The following HECTD2 variants were observed in gnomAD, a reference collection of about 807,000 sequenced individuals.
HECTD2 encodes HECT domain E3 ubiquitin protein ligase 2.
A neutral mutation model predicts 103.2 loss-of-function variants in HECTD2; 35 were observed. The observed-to-expected ratio is 0.34, with a 90% CI of 0.26 to 0.45. The LOEUF (loss-of-function observed/expected upper bound fraction) is 0.45. Among genes scored for constraint, HECTD2 ranks in the 20% least tolerant of loss-of-function variants. The pLI, the probability that HECTD2 is intolerant of heterozygous loss-of-function variation, is 1.00. For synonymous variants in HECTD2, 281 were observed against 329.9 expected (o/e 0.85, Z 1.61); for missense variants, 596 against 937.4 (o/e 0.64, Z 4.76).
chr10:91,503,765 G>A (rs1363523368), intron 20 of HECTD2, among the ~76,000 whole-genome samples: 1 of 152,198 alleles, frequency 6.6e-6, no homozygotes, highest in Non-Finnish European at 1.5e-5. Context: ...CGAACTGGGT[G>A]GAACCCACCA....
chr10:91,478,096 CAA>C (rs893888129), intron 5 of HECTD2, 103 bp from the exon 6 acceptor site: 18 of 742,764 alleles, frequency 2.4e-5, no homozygotes, highest in East Asian at 7.9e-5. Context: ...CCTGAGTCAT[CAA>C]GTCTGATTTT....
chr10:91,466,433 C>A (rs1359208397), intron 5 of HECTD2, among the ~76,000 whole-genome samples: 1 of 152,006 alleles, frequency 6.6e-6, no homozygotes, highest in East Asian at 1.9e-4. Context: ...ATTTTTATAT[C>A]TTGTCTTCTA....
chr10:91,446,150 C>T (rs1480144199), intron 2 of HECTD2, among the ~76,000 whole-genome samples: 3 of 151,696 alleles, frequency 2.0e-5, no homozygotes, highest in Non-Finnish European at 4.4e-5. Flanking sequence ...GGCAGGTGCC[C>T]CTCTGGGACA....
At chr10:91,416,793 G>A (rs1843144026) in intron 1 of HECTD2, among the ~76,000 whole-genome samples, 1 of 152,112 alleles carries the variant, frequency 6.6e-6, no homozygotes, top group South Asian at 2.1e-4. Context: ...GGCCCTGTAT[G>A]TATTGCCTTT....
intron 3 of HECTD2, 65 bp from the exon 4 acceptor site, chr10:91,461,189 A>AG: frequency 1.4e-6 from 1 of 702,284 alleles, no homozygotes; most frequent in Non-Finnish European, 2.4e-6. Context: ...GACATTAAAA[A>AG]GTAATACTAG....
At chr10:91,490,707 C>A (rs917210690) in intron 11 of HECTD2, among the ~76,000 whole-genome samples, 1 of 150,778 alleles carries the variant, frequency 6.6e-6, no homozygotes, top group Non-Finnish European at 1.5e-5. Flanking sequence ...CTGGCTAACA[C>A]GGTGAAACCC....
At chr10:91,472,870 G>A (rs1845775891) in intron 5 of HECTD2, among the ~76,000 whole-genome samples, 1 of 152,136 alleles carries the variant, frequency 6.6e-6, no homozygotes, top group Non-Finnish European at 1.5e-5. Context: ...AGATTAAACA[G>A]CAGATTGGAG....
intron 2 of HECTD2, among the ~76,000 whole-genome samples, chr10:91,431,571 G>C (rs1277132897): frequency 6.6e-6 from 1 of 152,068 alleles, no homozygotes; most frequent in Non-Finnish European, 1.5e-5. Flanking sequence ...TGGAGGCTTT[G>C]TTCATTTCTT....
At chr10:91,416,938 A>G (rs1476099249) in intron 1 of HECTD2, among the ~76,000 whole-genome samples, 2 of 152,174 alleles carry the variant, frequency 1.3e-5, no homozygotes, top group Admixed American at 1.3e-4. Context: ...GTTCATATTA[A>G]TTTCTTTTGA....
Position 91,410,570 on chromosome 10 carries a change from G to T in HECTD2, c.132G>T (p.Ala44=), listed in dbSNP as rs1380421604. Residue 44 remains alanine (A), a synonymous_variant, in exon 1 of 21, where the codon GCG becomes GCT. Coordinates refer to ENST00000298068, the MANE Select transcript of HECTD2 (RefSeq NM_182765.6). The part of the protein sequence containing the change: ...LPPIVSAGAG[A]TAGLDRGAKG... ...CCATCGTATCGGCGGGCGCCGGCGC[G>T]ACCGCGGTAGGTGGTGGGCCGGGGC... 5 of 1,424,062 alleles carry T rather than the reference G, an allele frequency of 3.5e-6. No homozygotes were observed. The South Asian group carries it at 4.3e-5, about 12-fold the overall frequency. The allele number at this position is 1,424,062 out of a possible 1,614,324, so 88.2% of individuals were successfully genotyped here. A position where few individuals can be genotyped will look rare whatever the true frequency, so the allele number is the denominator to read the frequency against.
chr10:91,487,397 T>C lies in HECTD2; in HGVS notation c.1095-285T>C, dbSNP rs1846302411. 1 of 375,652 alleles carries C rather than the reference T, an allele frequency of 2.7e-6. No individual in the cohort carries two copies. The highest frequency in any genetic ancestry group is 2.1e-5 in the African/African-American group (1 of 48,204). 23.3% of individuals were successfully genotyped at this position (375,652 alleles called of 1,614,324 possible). A position where few individuals can be genotyped will look rare whatever the true frequency, so the allele number is the denominator to read the frequency against. ...GCCATGTTGTTCACAGGTGATGATA[T>C]ACAATGAAATTATTTGTATAGACAA... On this transcript the variant is annotated intron_variant, in intron 10 of 20. Coordinates refer to ENST00000298068, the MANE Select transcript of HECTD2 (RefSeq NM_182765.6). This position sits in a 1 kb window ranked among gnomAD's most constrained non-coding sequence, Gnocchi z 4.1.
intron 5 of HECTD2, among the ~76,000 whole-genome samples, chr10:91,465,016 G>C (rs928440747): frequency 1.3e-5 from 2 of 152,066 alleles, no homozygotes; most frequent in Admixed American, 6.5e-5. Context: ...TTCATACATA[G>C]TAGTTTAACT....
chr10:91,475,359 A>G (rs1845864631), intron 5 of HECTD2, among the ~76,000 whole-genome samples: 1 of 152,236 alleles, frequency 6.6e-6, no homozygotes, highest in East Asian at 1.9e-4. Context: ...GAAAGACAGG[A>G]AACTGAGTGG....
intron 20 of HECTD2, among the ~76,000 whole-genome samples, chr10:91,505,635 G>A (rs1847126620): frequency 6.7e-6 from 1 of 150,338 alleles, no homozygotes; most frequent in African/African-American, 2.5e-5. Context: ...AGTCCTGAGT[G>A]ACCTACAAAG....
intron 1 of HECTD2, among the ~76,000 whole-genome samples, chr10:91,412,104 C>G (rs1053390491): frequency 6.6e-6 from 1 of 152,110 alleles, no homozygotes; most frequent in Non-Finnish European, 1.5e-5. Context: ...AAAGGTAATT[C>G]GGTACATATA....
At chr10:91,484,246 G>A (rs890921251) in intron 8 of HECTD2, 2 of 766,098 alleles carry the variant, frequency 2.6e-6, no homozygotes, top group African/African-American at 3.6e-5. Flanking sequence ...TAGAATCTGT[G>A]AATAATGAAG....
intron 2 of HECTD2, among the ~76,000 whole-genome samples, chr10:91,429,892 G>T (rs1270805874): frequency 6.6e-6 from 1 of 152,006 alleles, no homozygotes; most frequent in Middle Eastern, 3.2e-3. Context: ...GTTCTGCTCT[G>T]ATTTTAGTTA....
At position 91,462,364 on chromosome 10, in the gene HECTD2, T is replaced by C. The variant is rs185870242; in HGVS notation, c.600+180T>C. ...ATTTTATTCTTTTATTTTTTAATTA[T>C]GAATTAAGCAGCAAATACTTTTATA... On this transcript the variant is annotated intron_variant, in intron 5 of 20. Coordinates refer to ENST00000298068, the MANE Select transcript of HECTD2 (RefSeq NM_182765.6). 6.3e-6 allele frequency: 7 copies of C among 1,111,972 alleles called. No homozygotes were observed. In the East Asian group the frequency reaches 2.2e-4, roughly 35 times the overall value. 68.9% of individuals were successfully genotyped at this position (1,111,972 alleles called of 1,614,324 possible). A position where few individuals can be genotyped will look rare whatever the true frequency, so the allele number is the denominator to read the frequency against.
At chr10:91,451,263 T>C (rs1564713336) in intron 2 of HECTD2, among the ~76,000 whole-genome samples, 1 of 151,922 alleles carries the variant, frequency 6.6e-6, no homozygotes. Flanking sequence ...CAGCAAACTA[T>C]CACAGGAACA....
Sources: allele counts gnomAD v4.1 joint callset (sites outside exome capture counted in the v4.1 genomes callset), GRCh38; gene constraint gnomAD v4.1.1; non-coding constraint Gnocchi (gnomAD v3.1); transcripts MANE v1.5; gene names NCBI Gene and HGNC (gene_info 2026-07-23, HGNC 2026-07-21).